The following PABPC4L variants were observed in gnomAD, a reference collection of about 807,000 sequenced individuals.
The protein encoded by PABPC4L is polyadenylate-binding protein 4-like.
For missense variants in PABPC4L, 452 were observed against 451.4 expected (o/e 1.00, Z -0.01); for synonymous variants, 169 against 164.1 (o/e 1.03, Z -0.23).
the PABPC4L span, among the ~76,000 whole-genome samples, chr4:134,174,863 T>C: frequency 1.3e-5 from 2 of 152,200 alleles, no homozygotes; most frequent in Admixed American, 6.5e-5. Flanking sequence ...TTGATTGATG[T>C]TGTTTTTATA....
downstream of PABPC4L, among the ~76,000 whole-genome samples, chr4:134,196,055 T>C (rs549632612): frequency 6.6e-6 from 1 of 151,550 alleles, no homozygotes; most frequent in Non-Finnish European, 1.5e-5. Flanking sequence ...TTCTAAGCAC[T>C]TGACAGGTTA....
the PABPC4L span, among the ~76,000 whole-genome samples, chr4:134,133,049 T>C: frequency 7.2e-6 from 1 of 139,322 alleles, no homozygotes; most frequent in Non-Finnish European, 1.5e-5. Flanking sequence ...ATACATTATA[T>C]ATATTATTTT....
the PABPC4L span, among the ~76,000 whole-genome samples, chr4:134,007,577 G>A: frequency 3.3e-5 from 5 of 151,494 alleles, no homozygotes; most frequent in South Asian, 4.2e-4. Flanking sequence ...AGGTTAAATA[G>A]CCTTCTCAAT....
Position 134,200,436 on chromosome 4 carries a change from T to C in PABPC4L, c.584A>G (p.Lys195Arg). ...ATCATCCATGTCACCTCCAAAGTTT[T>C]TTATGTAAACATTGGTGAATTCACT... ...KASEFTNVYI[K>R]NFGGDMDDER... Residue 195 changes from lysine to arginine, a missense_variant, in exon 2 of 2, where the codon AAA becomes AGA. Lys to Arg is a conservative substitution (Grantham distance 26). Coordinates refer to ENST00000421491, the MANE Select transcript of PABPC4L (RefSeq NM_001114734.2). 1 of 1,552,500 alleles carries C rather than the reference T, an allele frequency of 6.4e-7. No individual in the cohort carries two copies. Among genetic ancestry groups the C allele is most frequent in the Non-Finnish European group, 8.7e-7 (1 of 1,147,368 alleles).
the PABPC4L span, among the ~76,000 whole-genome samples, chr4:134,096,990 C>G: frequency 6.6e-6 from 1 of 151,994 alleles, no homozygotes; most frequent in African/African-American, 2.4e-5. Flanking sequence ...CTTAAAACAT[C>G]AGATGGTGGG....
the PABPC4L span, among the ~76,000 whole-genome samples, chr4:133,971,687 C>G: frequency 6.6e-6 from 1 of 152,188 alleles, no homozygotes; most frequent in African/African-American, 2.4e-5. Context: ...GTCACTTGGT[C>G]TTTCTATTCC....
the PABPC4L span, among the ~76,000 whole-genome samples, chr4:134,157,630 T>C: frequency 1.3e-5 from 2 of 151,880 alleles, no homozygotes; most frequent in East Asian, 3.8e-4. Context: ...TTATGAAATA[T>C]TTCATCATTA....
chr4:134,114,052 G>C, the PABPC4L span, among the ~76,000 whole-genome samples: 1 of 151,874 alleles, frequency 6.6e-6, no homozygotes, highest in South Asian at 2.1e-4. Flanking sequence ...CAATGGGCAA[G>C]AAGCAAGTGG....
the PABPC4L span, among the ~76,000 whole-genome samples, chr4:133,974,068 A>G: frequency 6.6e-6 from 1 of 152,180 alleles, no homozygotes; most frequent in Non-Finnish European, 1.5e-5. Flanking sequence ...CTTGAAAAGT[A>G]AAAACAATGT....
chr4:134,146,814 A>G, the PABPC4L span, among the ~76,000 whole-genome samples: 2 of 152,094 alleles, frequency 1.3e-5, no homozygotes, highest in Admixed American at 6.6e-5. Flanking sequence ...ACAAGGCATC[A>G]TTCAGAAGGA....
the PABPC4L span, among the ~76,000 whole-genome samples, chr4:134,186,581 TA>T: frequency 6.6e-6 from 1 of 152,076 alleles, no homozygotes; most frequent in African/African-American, 2.4e-5. Context: ...CCTAAAACCA[TA>T]AAAACCCTAG....
chr4:134,138,970 T>A, the PABPC4L span, among the ~76,000 whole-genome samples: 1 of 151,858 alleles, frequency 6.6e-6, no homozygotes, highest in Non-Finnish European at 1.5e-5. Flanking sequence ...TAGGTTTCAC[T>A]AAGCACCTAA....
At chr4:133,979,859 G>C in the PABPC4L span, among the ~76,000 whole-genome samples, 1 of 152,060 alleles carries the variant, frequency 6.6e-6, no homozygotes, top group African/African-American at 2.4e-5. Context: ...CAGCCTTCCT[G>C]TCTTCCAAAA....
the PABPC4L span, among the ~76,000 whole-genome samples, chr4:134,052,027 C>T: frequency 6.6e-6 from 1 of 151,706 alleles, no homozygotes; most frequent in Non-Finnish European, 1.5e-5. Context: ...AACAATAATA[C>T]AATCATTATT....
At chr4:133,997,052 C>T in the PABPC4L span, among the ~76,000 whole-genome samples, 4 of 152,294 alleles carry the variant, frequency 2.6e-5, no homozygotes, top group East Asian at 5.8e-4. Flanking sequence ...CAAAGCCTCT[C>T]GGCTTTCCAA....
At chr4:134,186,520 A>C in the PABPC4L span, among the ~76,000 whole-genome samples, 1 of 152,162 alleles carries the variant, frequency 6.6e-6, no homozygotes, top group Non-Finnish European at 1.5e-5. Context: ...TCCCTTCCTT[A>C]CATCTTATAC....
chr4:134,171,546 A>C, the PABPC4L span, among the ~76,000 whole-genome samples: 11 of 152,268 alleles, frequency 7.2e-5, no homozygotes, highest in African/African-American at 2.6e-4. Context: ...CATAGTTTGC[A>C]AACCAACAGC....
chr4:134,009,006 T>A, the PABPC4L span, among the ~76,000 whole-genome samples: 2 of 151,844 alleles, frequency 1.3e-5, no homozygotes, highest in Non-Finnish European at 2.9e-5. Flanking sequence ...ACCAACTTTT[T>A]AAAAATGTTA....
chr4:133,962,336 G>A, the PABPC4L span, among the ~76,000 whole-genome samples: 44,798 of 152,152 alleles, frequency 0.29, 9,937 homozygotes, highest in African/African-American at 0.59. Flanking sequence ...AGCTAATCAG[G>A]GAGACGCCAG....
Sources: allele counts gnomAD v4.1 joint callset (sites outside exome capture counted in the v4.1 genomes callset), GRCh38; gene constraint gnomAD v4.1.1; transcripts MANE v1.5; gene names NCBI Gene and HGNC (gene_info 2026-07-23, HGNC 2026-07-21).